DAB1: variants seen among roughly 807,000 people sequenced by gnomAD.
DAB1 encodes disabled homolog 1.
DAB1 carries 15 observed loss-of-function variants against 64.6 expected under a neutral mutation model. The ratio of observed to expected loss-of-function variants is 0.23; its 90% CI spans 0.16 to 0.36. The LOEUF is 0.36. Ranked by LOEUF, DAB1 falls within the 10% of genes least tolerant of loss-of-function variation. The probability of loss-of-function intolerance (pLI) is 1.00; values close to 1 mark genes in which losing one functional copy is unlikely to be tolerated. For synonymous variants in DAB1, 235 were observed against 251.9 expected, an observed-to-expected ratio of 0.93 and a Z score of 0.64; for missense variants, 596 against 706.7, an observed-to-expected ratio of 0.84 and a Z score of 1.78.
At chr1:58,248,560 A>G (rs1325919552) in intron 4 of DAB1, among the ~76,000 whole-genome samples, 4 of 152,136 alleles carry the variant, frequency 2.6e-5, no homozygotes, top group Non-Finnish European at 4.4e-5. Context: ...ACAGAAATCT[A>G]CTATCTAGCA....
chr1:57,673,214 A>G (rs1318611330), intron 6 of DAB1, among the ~76,000 whole-genome samples: 1 of 152,098 alleles, frequency 6.6e-6, no homozygotes, highest in Non-Finnish European at 1.5e-5. Context: ...ACTTCAATGA[A>G]GACTCTTTTA....
chr1:58,365,447 A>C lies in DAB1; in HGVS notation n.258-22044T>G, dbSNP rs545471698. ...CAAAGAGCCACTTTAACAAAATTACACTCCTTATGGGGCTTCATGTGTCTG... is the reference window on the plus strand; with the variant it reads ...CAAAGAGCCACTTTAACAAAATTACCCTCCTTATGGGGCTTCATGTGTCTG... On this transcript the variant is annotated intron_variant and non_coding_transcript_variant, in intron 3 of 20. Transcript: ENST00000485760. Among the ~76,000 whole-genome samples the C allele has an allele frequency of 1.3e-4, 19 of 151,984 alleles. No homozygotes were observed. In the South Asian group the frequency reaches 4.0e-3, roughly 32 times the overall value.
intron 3 of DAB1, among the ~76,000 whole-genome samples, chr1:58,454,227 C>T (rs1645168643): frequency 6.6e-6 from 1 of 152,180 alleles, no homozygotes. Context: ...GCAGGCAATA[C>T]AATAATTGCC....
At chr1:57,141,394 T>G (rs1247906113) in intron 3 of DAB1, among the ~76,000 whole-genome samples, 1 of 152,090 alleles carries the variant, frequency 6.6e-6, no homozygotes, top group Non-Finnish European at 1.5e-5. Flanking sequence ...TTATCATCCT[T>G]CATTTGCATC....
At chr1:57,376,313 T>G (rs1291078480) in intron 1 of DAB1, among the ~76,000 whole-genome samples, 1 of 152,196 alleles carries the variant, frequency 6.6e-6, no homozygotes, top group East Asian at 1.9e-4. Context: ...ATCCAGGCCA[T>G]CCCATCTAGA....
At chr1:57,538,492 T>G (rs182505940) in intron 7 of DAB1, among the ~76,000 whole-genome samples, 1 of 152,324 alleles carries the variant, frequency 6.6e-6, no homozygotes, top group East Asian at 1.9e-4. Context: ...TCTCTCGGTT[T>G]ATCATGATTG....
intron 12 of DAB1, among the ~76,000 whole-genome samples, chr1:57,012,669 G>T (rs6684103): frequency 0.06 from 9,071 of 152,250 alleles, 888 homozygotes; most frequent in African/African-American, 0.2. Flanking sequence ...AATGAAATCT[G>T]TTTTGTTTCA....
intron 5 of DAB1, among the ~76,000 whole-genome samples, chr1:57,933,425 CT>C (rs34554638): frequency 1.3e-5 from 2 of 151,006 alleles, no homozygotes; most frequent in Admixed American, 6.6e-5. Context: ...CAGAAGTCTC[CT>C]TTTTTTTTAC....
intron 4 of DAB1, among the ~76,000 whole-genome samples, chr1:57,085,400 A>T (rs1652969573): frequency 6.6e-6 from 1 of 152,198 alleles, no homozygotes; most frequent in Non-Finnish European, 1.5e-5. Flanking sequence ...GGCTGTCTGC[A>T]TCAAATACCT....
At chr1:58,463,800 T>C (rs1645267588) in intron 3 of DAB1, among the ~76,000 whole-genome samples, 2 of 152,210 alleles carry the variant, frequency 1.3e-5, no homozygotes, top group Admixed American at 1.3e-4. Flanking sequence ...GCATCACAGA[T>C]ATATGAATTC....
At chr1:58,446,258 G>A (rs113405812) in intron 3 of DAB1, among the ~76,000 whole-genome samples, 1,942 of 152,174 alleles carry the variant, frequency 0.013, 38 homozygotes, top group African/African-American at 0.044. Context: ...AGCCCATTAC[G>A]TTACACAAAG....
At chr1:57,780,611 G>A (rs1346592493) in intron 6 of DAB1, among the ~76,000 whole-genome samples, 2 of 151,944 alleles carry the variant, frequency 1.3e-5, no homozygotes, top group Non-Finnish European at 2.9e-5. Flanking sequence ...ATTTTGAAAT[G>A]TATAAAAATT....
intron 4 of DAB1, among the ~76,000 whole-genome samples, chr1:58,274,959 C>CT (rs1553172355): frequency 2.6e-5 from 4 of 151,800 alleles, no homozygotes; most frequent in Non-Finnish European, 4.4e-5. Context: ...CAGAAATCAC[C>CT]GGTCTTCTGC....
intron 1 of DAB1, among the ~76,000 whole-genome samples, chr1:57,314,839 G>T (rs186906754): frequency 6.6e-6 from 1 of 151,844 alleles, no homozygotes; most frequent in Admixed American, 6.6e-5. Context: ...GTACACAGAC[G>T]GGAAGAAGGG....
At chr1:58,228,775 C>A in intron 4 of DAB1, 1 of 847,252 alleles carries the variant, frequency 1.2e-6, no homozygotes, top group Non-Finnish European at 1.9e-6. Flanking sequence ...GTTATGCAAA[C>A]AAGACAGAAA....
chr1:57,306,983 G>A (rs1277960920), intron 1 of DAB1: 2 of 152,024 alleles, frequency 1.3e-5, no homozygotes, highest in East Asian at 3.9e-4. Flanking sequence ...GAGGCCTGAG[G>A]CCCAAACAAC....
intron 7 of DAB1, among the ~76,000 whole-genome samples, chr1:57,570,726 C>T (rs181794200): frequency 6.6e-6 from 1 of 152,112 alleles, no homozygotes; most frequent in Admixed American, 6.5e-5. Flanking sequence ...TTTTATAGTT[C>T]TGTGAAGAAC....
intron 5 of DAB1, among the ~76,000 whole-genome samples, chr1:57,932,484 T>G (rs1217578441): frequency 6.6e-6 from 1 of 150,526 alleles, no homozygotes; most frequent in Admixed American, 6.6e-5. Flanking sequence ...TTTTTTTTTT[T>G]GTATTTTTAG....
intron 4 of DAB1, among the ~76,000 whole-genome samples, chr1:57,100,137 G>T (rs780097858): frequency 6.6e-6 from 1 of 152,172 alleles, no homozygotes; most frequent in Admixed American, 6.5e-5. Context: ...TCTTGGGCAG[G>T]TTGCTTAACC....
Sources: allele counts gnomAD v4.1 joint callset (sites outside exome capture counted in the v4.1 genomes callset), GRCh38; gene constraint gnomAD v4.1.1; transcripts MANE v1.5; gene names NCBI Gene and HGNC (gene_info 2026-07-23, HGNC 2026-07-21).